Variants in CWF19L2 observed in about 807,000 individuals in gnomAD.
CWF19L2 encodes CWF19-like protein 2.
CWF19L2 carries 98 observed loss-of-function variants against 111.7 expected under a neutral mutation model. The observed-to-expected ratio is 0.88, with a 90% CI of 0.75 to 1.04. The LOEUF is 1.04. CWF19L2 is among the 50% of genes least tolerant of loss of function. The pLI is 0.00. For synonymous variants in CWF19L2, 351 were observed against 342.9 expected, an observed-to-expected ratio of 1.02 and a Z score of -0.26; for missense variants, 1,101 against 1,051.4, an observed-to-expected ratio of 1.05 and a Z score of -0.65.
chr11:107,437,896 A>C (rs938439751), intron 6 of CWF19L2, among the ~76,000 whole-genome samples: 1 of 152,202 alleles, frequency 6.6e-6, no homozygotes, highest in Non-Finnish European at 1.5e-5. Context: ...TAGTTGAGTG[A>C]GCTAACTTAT....
chr11:107,355,701 G>C (rs1860228041), intron 12 of CWF19L2, among the ~76,000 whole-genome samples: 1 of 152,110 alleles, frequency 6.6e-6, no homozygotes. Context: ...CAATCCTAAA[G>C]TTTATATACC....
intron 10 of CWF19L2, among the ~76,000 whole-genome samples, chr11:107,412,955 G>A (rs897769549): frequency 2.0e-5 from 3 of 152,166 alleles, no homozygotes; most frequent in African/African-American, 4.8e-5. Context: ...AAGATCCGAG[G>A]TTGCCAGGAG....
rs1420490192 is a variant in CWF19L2 at position 107,365,280 on chromosome 11, T to C, written c.1873-11544A>G. On this transcript the variant is annotated intron_variant, in intron 12 of 17. Coordinates refer to ENST00000282251, the MANE Select transcript of CWF19L2 (RefSeq NM_152434.3). ...ACTGGTACCATTCCTTCTGAAACTATTCCAATCAATAGAAAAAGAGGGAAT... is the reference window on the plus strand; with the variant it reads ...ACTGGTACCATTCCTTCTGAAACTACTCCAATCAATAGAAAAAGAGGGAAT... Among the ~76,000 whole-genome samples the C allele has an allele frequency of 3.6e-5, 5 of 140,386 alleles. 1 individual carries two copies. The highest frequency in any genetic ancestry group is 5.5e-5 in the African/African-American group (2 of 36,368). 92.1% of individuals were successfully genotyped at this position (140,386 alleles called of 152,430 possible).
chr11:107,403,648 AC>A, intron 10 of CWF19L2: 1 of 775,096 alleles, frequency 1.3e-6, no homozygotes, highest in African/African-American at 1.7e-5. Context: ...TCTTCTCCTC[AC>A]CTTTGTTTGG....
intron 16 of CWF19L2, among the ~76,000 whole-genome samples, chr11:107,331,424 G>A (rs907678618): frequency 5.3e-5 from 8 of 152,150 alleles, no homozygotes; most frequent in Non-Finnish European, 1.0e-4. Context: ...GTAATCATAA[G>A]GACACTAATA....
chr11:107,426,067 G>A (rs1375359043), intron 8 of CWF19L2, among the ~76,000 whole-genome samples: 1 of 151,726 alleles, frequency 6.6e-6, no homozygotes, highest in East Asian at 1.9e-4. Context: ...AAGAAAAAGA[G>A]TGATAAATTT....
intron 3 of CWF19L2, among the ~76,000 whole-genome samples, chr11:107,450,782 C>T (rs1025914600): frequency 2.6e-5 from 4 of 151,962 alleles, no homozygotes; most frequent in African/African-American, 7.3e-5. Flanking sequence ...AAGATAAAAA[C>T]GAAAACTTCG....
chr11:107,336,933 A>T (rs1279130830), intron 14 of CWF19L2, among the ~76,000 whole-genome samples: 1 of 152,222 alleles, frequency 6.6e-6, no homozygotes, highest in African/African-American at 2.4e-5. Flanking sequence ...CAAGACTTTT[A>T]AAAAAACTGA....
intron 11 of CWF19L2, 52 bp from the exon 12 acceptor site, chr11:107,390,263 A>C: frequency 7.3e-7 from 1 of 1,366,356 alleles, no homozygotes; most frequent in African/African-American, 1.5e-5. Flanking sequence ...TCTCTGAAGT[A>C]TTTCTTGATG....
At chr11:107,441,741 A>G in intron 4 of CWF19L2, 119 bp from the exon 5 acceptor site, 9 of 1,000,642 alleles carry the variant, frequency 9.0e-6, no homozygotes, top group South Asian at 2.6e-5. Context: ...ATCAAACCTG[A>G]AACAAGTCCT....
rs185772789 is a variant in CWF19L2 at position 107,403,447 on chromosome 11, C to T, written c.1618-10552G>A. The T allele has an allele frequency of 7.1e-4, 562 of 790,540 alleles. 4 individuals are homozygous for T. The African/African-American group carries it at 8.7e-3, about 12-fold the overall frequency. 49.0% of individuals were successfully genotyped at this position (790,540 alleles called of 1,614,324 possible). A position where few individuals can be genotyped will look rare whatever the true frequency, so the allele number is the denominator to read the frequency against. On this transcript the variant is annotated intron_variant, in intron 10 of 17. Coordinates refer to ENST00000282251, the MANE Select transcript of CWF19L2 (RefSeq NM_152434.3). The stretch of plus-strand genomic sequence containing the variant: ...GTAGGGGATCTGTCGGTGGCTCTTC[C>T]ACTGTTGTGCTGTTGCTCTCTGAGC...
intron 12 of CWF19L2, among the ~76,000 whole-genome samples, chr11:107,356,931 A>G (rs2134550386): frequency 6.6e-6 from 1 of 152,268 alleles, no homozygotes; most frequent in African/African-American, 2.4e-5. Context: ...CCAGCTACTC[A>G]GGAGGCTGAG....
At position 107,375,477 on chromosome 11, in the gene CWF19L2, C is replaced by G. The variant is rs1023631303; in HGVS notation, c.1872+14597G>C. ...TCAGGATTAAGAATCTCACTCAAAA[C>G]CGCTCAACTACATGGAAACTGAACA... On this transcript the variant is annotated intron_variant, in intron 12 of 17. Coordinates refer to ENST00000282251, the MANE Select transcript of CWF19L2 (RefSeq NM_152434.3). Among the ~76,000 whole-genome samples the G allele has an allele frequency of 7.2e-5, 10 of 138,534 alleles. 2 individuals are homozygous for G. Among genetic ancestry groups the G allele is most frequent in the African/African-American group, 2.8e-4 (10 of 35,856 alleles). 90.9% of individuals were successfully genotyped at this position (138,534 alleles called of 152,430 possible).
At chr11:107,435,048 T>C (rs1455894333) in intron 6 of CWF19L2, among the ~76,000 whole-genome samples, 1 of 152,142 alleles carries the variant, frequency 6.6e-6, no homozygotes, top group African/African-American at 2.4e-5. Context: ...TTTTTATATA[T>C]GTCACATTTC....
intron 12 of CWF19L2, among the ~76,000 whole-genome samples, chr11:107,371,386 T>C (rs528625933): frequency 5.8e-5 from 8 of 137,600 alleles, no homozygotes; most frequent in Admixed American, 2.1e-4. Flanking sequence ...AATTCCTTGA[T>C]AGAAAAGAGA....
At chr11:107,412,872 A>G (rs942928041) in intron 10 of CWF19L2, among the ~76,000 whole-genome samples, 2 of 152,224 alleles carry the variant, frequency 1.3e-5, no homozygotes, top group Non-Finnish European at 2.9e-5. Context: ...TTAGAAGCCA[A>G]CCTGAAAATG....
chr11:107,429,901 G>C (rs1372214789), intron 7 of CWF19L2, among the ~76,000 whole-genome samples: 1 of 150,922 alleles, frequency 6.6e-6, no homozygotes, highest in African/African-American at 2.4e-5. Flanking sequence ...ACACCAAAAG[G>C]AAGAAAAGAC....
chr11:107,359,269 T>C (rs929071814), intron 12 of CWF19L2, among the ~76,000 whole-genome samples: 2 of 152,222 alleles, frequency 1.3e-5, no homozygotes, highest in African/African-American at 2.4e-5. Flanking sequence ...CTTACTGGAA[T>C]AGATACTTTG....
chr11:107,412,426 C>T (rs577455006), intron 10 of CWF19L2, among the ~76,000 whole-genome samples: 1 of 152,242 alleles, frequency 6.6e-6, no homozygotes, highest in South Asian at 2.1e-4. Context: ...CTGCAATCTC[C>T]GCCTCCCAGG....
Sources: allele counts gnomAD v4.1 joint callset (sites outside exome capture counted in the v4.1 genomes callset), GRCh38; gene constraint gnomAD v4.1.1; transcripts MANE v1.5; gene names NCBI Gene and HGNC (gene_info 2026-07-23, HGNC 2026-07-21).